SHROOM3: variants seen among roughly 807,000 people sequenced by gnomAD.
SHROOM3 encodes shroom family member 3.
A neutral mutation model predicts 138.6 loss-of-function variants in SHROOM3; 47 were observed. The observed-to-expected ratio is 0.34, with a 90% CI of 0.27 to 0.43. The LOEUF is 0.43. Ranked by LOEUF, SHROOM3 falls within the 20% of genes least tolerant of loss-of-function variation. The pLI is 1.00. For synonymous variants in SHROOM3, 1,062 were observed against 1,063.3 expected, an observed-to-expected ratio of 1.00 and a Z score of 0.02; for missense variants, 2,491 against 2,596.5, an observed-to-expected ratio of 0.96 and a Z score of 0.88.
intron 1 of SHROOM3, among the ~76,000 whole-genome samples, chr4:76,480,805 A>G (rs1731592425): frequency 6.6e-6 from 1 of 152,232 alleles, no homozygotes; most frequent in Non-Finnish European, 1.5e-5. Flanking sequence ...AGTGCAATCA[A>G]ACTAGAACTC....
rs1403938275 is a variant in SHROOM3, at chr4:76,621,409, G to A, written c.323+65646G>A. Among the ~76,000 whole-genome samples the A allele has an allele frequency of 2.0e-5, 3 of 152,178 alleles. No homozygotes were observed. The East Asian group carries it at 5.8e-4, about 29-fold the overall frequency. ...CAGTACAAAGAAGGATTGCTAATAG[G>A]AATTATTTTACACACCTTTCTAGTT... On this transcript the variant is annotated intron_variant, in intron 2 of 10. Coordinates refer to ENST00000296043, the MANE Select transcript of SHROOM3 (RefSeq NM_020859.4).
intron 2 of SHROOM3, among the ~76,000 whole-genome samples, chr4:76,649,427 A>G (rs560916873): frequency 2.0e-5 from 3 of 152,208 alleles, no homozygotes; most frequent in Non-Finnish European, 4.4e-5. Context: ...AAGAAAGCAA[A>G]ATGATTTTTA....
intron 7 of SHROOM3, among the ~76,000 whole-genome samples, chr4:76,755,557 A>G (rs1360038922): frequency 6.6e-6 from 1 of 152,186 alleles, no homozygotes. Context: ...TTACTGACAG[A>G]GCTAACATTA....
intron 2 of SHROOM3, among the ~76,000 whole-genome samples, chr4:76,699,119 C>T (rs755199119): frequency 4.6e-5 from 7 of 152,178 alleles, no homozygotes; most frequent in African/African-American, 7.2e-5. Flanking sequence ...TACTTTGTCC[C>T]CTTTTTACAG....
intron 2 of SHROOM3, among the ~76,000 whole-genome samples, chr4:76,665,458 T>C (rs1386695099): frequency 6.6e-6 from 1 of 152,192 alleles, no homozygotes; most frequent in Non-Finnish European, 1.5e-5. Flanking sequence ...GAAGAACCAG[T>C]CATCTGGAAG....
At position 76,770,698 on chromosome 4, in the gene SHROOM3, A is replaced by C. The variant is rs778312685; in HGVS notation, c.5422A>C (p.Ile1808Leu). The change falls in exon 10 of 11, where the codon ATC becomes CTC. Residue 1808 changes from isoleucine (I) to leucine (L), a missense_variant. Coordinates refer to ENST00000296043, the MANE Select transcript of SHROOM3 (RefSeq NM_020859.4). ...GGCGAAGGGGAGCCTGCTCACGGAC[A>C]TCAAGCTCAACAACGCCCTGGGAGA... ...QEAKGSLLTD[I>L]KLNNALGEEV... The C allele has an allele frequency of 2.5e-6, 4 of 1,614,066 alleles. No homozygotes were observed. The highest frequency in any genetic ancestry group is 3.4e-6 in the Non-Finnish European group (4 of 1,180,054).
chr4:76,630,356 T>C (rs1478629644), intron 2 of SHROOM3, among the ~76,000 whole-genome samples: 1 of 152,120 alleles, frequency 6.6e-6, no homozygotes, highest in Non-Finnish European at 1.5e-5. Context: ...GCAGGAAAGG[T>C]GATAACAGAG....
chr4:76,514,448 A>G (rs1282652466), intron 1 of SHROOM3, among the ~76,000 whole-genome samples: 2 of 152,212 alleles, frequency 1.3e-5, no homozygotes, highest in Non-Finnish European at 2.9e-5. Flanking sequence ...AGGCAAATCC[A>G]TAGAAAAATA....
At chr4:76,690,053 T>G (rs1719475028) in intron 2 of SHROOM3, among the ~76,000 whole-genome samples, 2 of 152,214 alleles carry the variant, frequency 1.3e-5, no homozygotes, top group African/African-American at 4.8e-5. Flanking sequence ...AGTTGAGAAC[T>G]CCTTGCCTTT....
intron 1 of SHROOM3, among the ~76,000 whole-genome samples, chr4:76,526,033 A>T (rs1340555278): frequency 6.6e-6 from 1 of 152,168 alleles, no homozygotes; most frequent in African/African-American, 2.4e-5. Context: ...AAGCTTTGGG[A>T]ATTATACCTC....
chr4:76,435,980 T>A lies in SHROOM3; in HGVS notation c.-73T>A. The A allele has an allele frequency of 6.5e-7, 1 of 1,537,628 alleles. No individual in the cohort carries two copies. The highest frequency in any genetic ancestry group is 8.9e-7 in the Non-Finnish European group (1 of 1,118,262). Reference sequence around the variant, plus strand: ...GTGTCCTGAAGGATGGGACAACTTGTGCTGTAGAAGCACTGCTTGCCTGAG... The same window carrying A: ...GTGTCCTGAAGGATGGGACAACTTGAGCTGTAGAAGCACTGCTTGCCTGAG... On this transcript the variant is annotated 5_prime_UTR_variant, in exon 1 of 11. Transcript: ENST00000296043.
At chr4:76,681,594 G>GGGGTGTGTGTGTGTGT (rs1553936165) in intron 2 of SHROOM3, among the ~76,000 whole-genome samples, 10 of 81,018 alleles carry the variant, frequency 1.2e-4, no homozygotes, top group East Asian at 6.4e-4. Context: ...CAGAGTCTAG[G>GGGGTGTGTGTGTGTGT]GTGTGTGTGT....
chr4:76,625,011 G>C lies in SHROOM3; in HGVS notation c.323+69248G>C, dbSNP rs557868035. Among the ~76,000 whole-genome samples the C allele has an allele frequency of 3.3e-5, 5 of 152,242 alleles. No individual in the cohort carries two copies. The East Asian group carries it at 9.6e-4, about 29-fold the overall frequency. On this transcript the variant is annotated intron_variant, in intron 2 of 10. Coordinates refer to ENST00000296043, the MANE Select transcript of SHROOM3 (RefSeq NM_020859.4). ...TTGAAAAGGTTCCTGTGTAAGCCTT[G>C]CTTGGTAATTCAAGTACCCTTGAAT... is the stretch of plus-strand genomic sequence containing the variant.
intron 2 of SHROOM3, among the ~76,000 whole-genome samples, chr4:76,701,631 T>C (rs2110112984): frequency 6.6e-6 from 1 of 152,364 alleles, no homozygotes; most frequent in South Asian, 2.1e-4. Flanking sequence ...CTGGGAACAC[T>C]AGTCTGTTAC....
At chr4:76,748,904 C>T in intron 5 of SHROOM3, 113 bp from the exon 6 acceptor site, 1 of 828,916 alleles carries the variant, frequency 1.2e-6, no homozygotes, top group Non-Finnish European at 2.0e-6. Flanking sequence ...CGTGGCCTGA[C>T]AATAGTAGGT....
intron 1 of SHROOM3, among the ~76,000 whole-genome samples, chr4:76,477,664 T>G (rs1731515740): frequency 6.6e-6 from 1 of 152,148 alleles, no homozygotes; most frequent in South Asian, 2.1e-4. Flanking sequence ...AAAGAACAGA[T>G]GATGTGATTT....
At position 76,779,482 on chromosome 4, in the gene SHROOM3, GCAA is replaced by G. The variant is rs1722677493; in HGVS notation, c.*308_*310del. ...ATCATTTAGTTTTTAACAGGCTGAG[GCAA>G]CATGGATCAGTGTGTGTCCCCCTCA... On this transcript the variant is annotated 3_prime_UTR_variant, in exon 11 of 11. Coordinates refer to ENST00000296043, the MANE Select transcript of SHROOM3 (RefSeq NM_020859.4). 3.1e-6 allele frequency: 1 copy of G among 320,190 alleles called. No individual in the cohort carries two copies. Among genetic ancestry groups the G allele is most frequent in the African/African-American group, 2.2e-5 (1 of 46,204 alleles). The allele number at this position is 320,190 out of a possible 1,614,324, so 19.8% of individuals were successfully genotyped here.
intron 1 of SHROOM3, among the ~76,000 whole-genome samples, chr4:76,514,587 A>G (rs573583935): frequency 7.5e-4 from 114 of 152,218 alleles, no homozygotes; most frequent in Admixed American, 5.3e-3. Flanking sequence ...TAGTTCCACA[A>G]CTCTGTAAAT....
chr4:76,756,926 T>C lies in SHROOM3; in HGVS notation c.5187T>C (p.Cys1729=). Residue 1729 remains cysteine (C), a synonymous_variant, in exon 8 of 11, where the codon TGT becomes TGC. Transcript: ENST00000296043. ...AGAGAACTGTCAGCTCTTCAGGATG[T>C]GAAGGCAAGAGGTAAGTCCCTGGTG... is the stretch of plus-strand genomic sequence containing the variant. ...AIQRTVSSSG[C]EGKRNEDKEA... 1 of 1,613,952 alleles carries C rather than the reference T, an allele frequency of 6.2e-7. No individual in the cohort carries two copies. The highest frequency in any genetic ancestry group is 1.1e-5 in the South Asian group (1 of 91,064).
Sources: allele counts gnomAD v4.1 joint callset (sites outside exome capture counted in the v4.1 genomes callset), GRCh38; gene constraint gnomAD v4.1.1; transcripts MANE v1.5; gene names NCBI Gene and HGNC (gene_info 2026-07-23, HGNC 2026-07-21).